Variants in PIP5K1C observed in about 807,000 individuals in gnomAD.
PIP5K1C encodes phosphatidylinositol 4-phosphate 5-kinase type-1 gamma.
Under a neutral mutation model 80.1 loss-of-function variants are expected in PIP5K1C, and 45 were observed. The ratio of observed to expected loss-of-function variants is 0.56; its 90% CI spans 0.44 to 0.72. PIP5K1C has a LOEUF of 0.72. PIP5K1C is among the 30% of genes least tolerant of loss of function. PIP5K1C has a pLI of 0.00. For synonymous variants in PIP5K1C, 498 were observed against 420.1 expected (o/e 1.19, Z -2.27); for missense variants, 753 against 954.6 (o/e 0.79, Z 2.78).
intron 1 of PIP5K1C, among the ~76,000 whole-genome samples, chr19:3,676,308 G>A (rs951112296): frequency 1.2e-4 from 19 of 152,240 alleles, no homozygotes; most frequent in Admixed American, 6.5e-4. Context: ...CCAGCGAGTC[G>A]CCGTAAACTG....
chr19:3,636,322 G>GA, intron 16 of PIP5K1C: 8 of 934,620 alleles, frequency 8.6e-6, no homozygotes, highest in Non-Finnish European at 1.0e-5. Context: ...CCAGAACCAA[G>GA]GGCACAGCCT....
chr19:3,643,051 T>C (rs2034038935), intron 13 of PIP5K1C, 112 bp from the exon 14 acceptor site: 4 of 1,472,358 alleles, frequency 2.7e-6, no homozygotes, highest in East Asian at 2.3e-5. Flanking sequence ...CCTGCCCACC[T>C]GTACATATGC....
At chr19:3,664,801 A>T (rs748087741) in intron 3 of PIP5K1C, 21 bp downstream of exon 3, 15 of 1,594,510 alleles carry the variant, frequency 9.4e-6, no homozygotes, top group African/African-American at 1.3e-5. Context: ...CCCTCCAGCC[A>T]GCTAAGGGGA....
intron 1 of PIP5K1C, among the ~76,000 whole-genome samples, chr19:3,690,200 A>G (rs2035905226): frequency 1.3e-5 from 2 of 152,076 alleles, no homozygotes; most frequent in African/African-American, 4.8e-5. Flanking sequence ...GAGCAGAATA[A>G]AAAGTCCAGA....
At chr19:3,691,495 C>T (rs1291968664) in intron 1 of PIP5K1C, among the ~76,000 whole-genome samples, 1 of 152,040 alleles carries the variant, frequency 6.6e-6, no homozygotes, top group Non-Finnish European at 1.5e-5. Context: ...CCCTGAATCA[C>T]CCCAGGGCCA....
rs1221851222 is a variant in PIP5K1C at position 3,692,014 on chromosome 19, C to T, written c.94+8283G>A. Among the ~76,000 whole-genome samples the T allele has an allele frequency of 6.6e-6, 1 of 152,194 alleles. No individual in the cohort carries two copies. Among genetic ancestry groups the T allele is most frequent in the Non-Finnish European group, 1.5e-5 (1 of 68,026 alleles). ...AGCCCCGCCCATGTCAGCGCATGCA[C>T]CGTGGCCAGTCCAAGCACCGCACGG... On this transcript the variant is annotated intron_variant, in intron 1 of 17. Coordinates refer to ENST00000335312, the MANE Select transcript of PIP5K1C (RefSeq NM_012398.3). This position sits in a 1 kb window ranked among gnomAD's most constrained non-coding sequence, Gnocchi z 5.2.
At chr19:3,638,051 GCC>G (rs1022467289) in intron 16 of PIP5K1C, 1 of 1,470,436 alleles carries the variant, frequency 6.8e-7, no homozygotes, top group Middle Eastern at 2.3e-4. Context: ...GCGAGGAGGT[GCC>G]CCCACAACAG....
Position 3,643,222 on chromosome 19 carries a change from CACTGCGGATGCCTCGCCCACCTGT to C in PIP5K1C, c.1646_1649+20del. ...GCACAGCGGATGCCCCGCCCACATG[CACTGCGGATGCCTCGCCCACCTGT>C]ACCGCGGCTGCTCCGACGTCTCCGA... On this transcript the variant is annotated splice_donor_variant and splice_donor_5th_base_variant and coding_sequence_variant and intron_variant, in exon 13 of 18. Transcript: ENST00000335312. LOFTEE classifies it high-confidence loss of function. 6.2e-7 allele frequency: 1 copy of C among 1,611,526 alleles called. No homozygotes were observed. Among genetic ancestry groups the C allele is most frequent in the South Asian group, 1.1e-5 (1 of 91,044 alleles).
At chr19:3,666,518 C>A (rs1405053448) in intron 2 of PIP5K1C, among the ~76,000 whole-genome samples, 2 of 152,332 alleles carry the variant, frequency 1.3e-5, no homozygotes, top group East Asian at 1.9e-4. Context: ...TGCACACAGG[C>A]AAACGTGTAC....
At position 3,638,926 on chromosome 19, in the gene PIP5K1C, C is replaced by G; in HGVS notation, c.1878G>C (p.Gln626His). 6.2e-7 allele frequency: 1 copy of G among 1,612,720 alleles called. No homozygotes were observed. The highest frequency in any genetic ancestry group is 1.3e-5 in the African/African-American group (1 of 74,970). The change falls in exon 16 of 18, where the codon CAG (glutamine) becomes CAC (histidine). Residue 626 changes from glutamine (Q) to histidine (H), a missense_variant. By Grantham distance (24) the Gln-to-His change is conservative. Coordinates refer to ENST00000335312, the MANE Select transcript of PIP5K1C (RefSeq NM_012398.3). ...ASDEEGAPASQASDEEDAPAT... is the reference protein window; with the variant it reads ...ASDEEGAPASHASDEEDAPAT... ...CGGGCGCGTCCTCCTCGTCCGAGGC[C>G]TGGCTGGCAGGTGCGCCCTCCTCGT...
chr19:3,679,284 A>T (rs1036664953), intron 1 of PIP5K1C, among the ~76,000 whole-genome samples: 3 of 152,024 alleles, frequency 2.0e-5, no homozygotes, highest in African/African-American at 7.3e-5. Context: ...CCCTGTGCCC[A>T]GGCTCCCCAC....
intron 10 of PIP5K1C, among the ~76,000 whole-genome samples, chr19:3,646,675 C>T (rs2034229370): frequency 6.6e-6 from 1 of 152,212 alleles, no homozygotes; most frequent in Non-Finnish European, 1.5e-5. Context: ...TTTAAGACAT[C>T]CCCAGAGGCC....
chr19:3,644,379 AG>A (rs2034122216), intron 11 of PIP5K1C, 128 bp from the exon 12 acceptor site: 1 of 906,250 alleles, frequency 1.1e-6, no homozygotes, highest in South Asian at 1.6e-5. Context: ...CCCTGAGGCC[AG>A]GAAGCACCAC....
rs548550881 is a variant in PIP5K1C, at chr19:3,648,038, T to C, written c.1211+587A>G. On this transcript the variant is annotated intron_variant, in intron 9 of 17. Coordinates refer to ENST00000335312, the MANE Select transcript of PIP5K1C (RefSeq NM_012398.3). The surrounding 1 kb of genome is among the most constrained non-coding windows in gnomAD (Gnocchi z 4.3). ...CTTGGATTTTCTTTTTTCTTTTTTT[T>C]TGGGACAGGGTCTTGCTCTGTCACC... Among the ~76,000 whole-genome samples the C allele has an allele frequency of 5.9e-5, 9 of 152,264 alleles. No homozygotes were observed. In the East Asian group the frequency reaches 7.7e-4, roughly 13 times the overall value.
intron 3 of PIP5K1C, 65 bp from the exon 4 acceptor site, chr19:3,662,066 G>T: frequency 2.6e-6 from 4 of 1,516,422 alleles, no homozygotes; most frequent in Non-Finnish European, 3.5e-6. Flanking sequence ...CCCCCTGTGT[G>T]CACCGGGGGG....
Position 3,651,846 on chromosome 19 carries a change from C to T in PIP5K1C, c.1107G>A (p.Glu369=). Residue 369 remains glutamate, a synonymous_variant, in exon 8 of 18, where the codon GAG becomes GAA. Coordinates refer to ENST00000335312, the MANE Select transcript of PIP5K1C (RefSeq NM_012398.3). ...CCTACGTGTCATCCGATTCGATGGC[C>T]TCCCCGCGCGCGGCGCCACCCTGGA... ...ESIQGGAARG[E]AIESDDTMGG... 1 of 1,612,100 alleles carries T rather than the reference C, an allele frequency of 6.2e-7. No homozygotes were observed. Among genetic ancestry groups the T allele is most frequent in the African/African-American group, 1.3e-5 (1 of 75,046 alleles).
Position 3,648,749 on chromosome 19 carries a change from GCT to G in PIP5K1C, c.1128-43_1128-42del, listed in dbSNP as rs2034338676. On this transcript the variant is annotated intron_variant, in intron 8 of 17. Coordinates refer to ENST00000335312, the MANE Select transcript of PIP5K1C (RefSeq NM_012398.3). The surrounding 1 kb of genome is among the most constrained non-coding windows in gnomAD (Gnocchi z 4.3). ...GAGGGTACCATCAGCATCCCGCAGA[GCT>G]GGGACTCGGGGCAGGCGGGGCTGGG... The G allele has an allele frequency of 6.4e-7, 1 of 1,566,758 alleles. No individual in the cohort carries two copies.
chr19:3,642,705 C>T (rs907518212), intron 14 of PIP5K1C, among the ~76,000 whole-genome samples: 4 of 151,976 alleles, frequency 2.6e-5, no homozygotes, highest in African/African-American at 7.3e-5. Flanking sequence ...ATCCACAGAC[C>T]AGAGCTGCCC....
rs921652861 is a variant in PIP5K1C at position 3,665,688 on chromosome 19, C to G, written c.127-774G>C. ...TGGTCTCACTGGCCAGGGTCAGGCC[C>G]GGCTCCTGCAAGCTGTCGGGCAGCG... On this transcript the variant is annotated intron_variant, in intron 2 of 17. Transcript: ENST00000335312. Among the ~76,000 whole-genome samples, 4 of 152,266 alleles carry G rather than the reference C, an allele frequency of 2.6e-5. No individual in the cohort carries two copies. In the East Asian group the frequency reaches 7.8e-4, roughly 30 times the overall value.
Sources: allele counts gnomAD v4.1 joint callset (sites outside exome capture counted in the v4.1 genomes callset), GRCh38; gene constraint gnomAD v4.1.1; non-coding constraint Gnocchi (gnomAD v3.1); transcripts MANE v1.5; gene names NCBI Gene and HGNC (gene_info 2026-07-23, HGNC 2026-07-21).